SCAPER: variants seen among roughly 807,000 people sequenced by gnomAD.
The protein encoded by SCAPER is S-phase cyclin A associated protein in the ER, also known as S phase cyclin A-associated protein in the endoplasmic reticulum.
A neutral mutation model predicts 182.2 loss-of-function variants in SCAPER; 98 were observed. The observed-to-expected ratio is 0.54, with a 90% confidence interval of 0.46 to 0.64. SCAPER has a LOEUF of 0.64. Ranked by LOEUF, SCAPER falls within the 30% of genes least tolerant of loss-of-function variation. SCAPER has a pLI of 0.00. For synonymous variants in SCAPER, 605 were observed against 564.6 expected (o/e 1.07, Z -1.01); for missense variants, 1,432 against 1,690.0 (o/e 0.85, Z 2.68).
chr15:76,354,196 C>T lies in SCAPER; in HGVS notation c.3856-56G>A. ...CCGAAACGCCCCAGCCTGTCCCTCA[C>T]CCACCTGCACAGTGTCGGCTAGTAC... On this transcript the variant is annotated intron_variant, in intron 29 of 31. Transcript: ENST00000563290. The surrounding 1 kb of genome is among the most constrained non-coding windows in gnomAD (Gnocchi z 4.4). 6.6e-7 allele frequency: 1 copy of T among 1,519,018 alleles called. No homozygotes were observed. The highest frequency in any genetic ancestry group is 8.9e-7 in the Non-Finnish European group (1 of 1,128,550). 94.1% of individuals were successfully genotyped at this position (1,519,018 alleles called of 1,614,324 possible).
intron 17 of SCAPER, among the ~76,000 whole-genome samples, chr15:76,717,065 T>G (rs954022692): frequency 6.7e-6 from 1 of 148,682 alleles, no homozygotes; most frequent in South Asian, 2.1e-4. Context: ...GGGATGTCCA[T>G]CAGAGTATCA....
chr15:76,751,908 A>C (rs1164146527), intron 15 of SCAPER, among the ~76,000 whole-genome samples: 1 of 151,744 alleles, frequency 6.6e-6, no homozygotes, highest in East Asian at 1.9e-4. Flanking sequence ...AACATTTTGC[A>C]TGTCAAAAGA....
At chr15:76,568,829 A>G (rs2047231487) in intron 23 of SCAPER, among the ~76,000 whole-genome samples, 1 of 152,078 alleles carries the variant, frequency 6.6e-6, no homozygotes. Flanking sequence ...AATATACTAT[A>G]GTGAGTTTTC....
chr15:76,797,897 AC>A (rs2065444265), intron 7 of SCAPER, among the ~76,000 whole-genome samples: 1 of 149,012 alleles, frequency 6.7e-6, no homozygotes, highest in Admixed American at 6.8e-5. Context: ...CAAAGATGTC[AC>A]ATTTTATCAT....
intron 3 of SCAPER, among the ~76,000 whole-genome samples, chr15:76,859,035 G>C (rs1323328330): frequency 1.3e-5 from 2 of 152,144 alleles, no homozygotes; most frequent in East Asian, 3.8e-4. Flanking sequence ...TCAACTCTTT[G>C]AGTAATCACC....
intron 10 of SCAPER, among the ~76,000 whole-genome samples, chr15:76,769,886 G>A (rs1031990551): frequency 2.6e-5 from 4 of 152,028 alleles, no homozygotes; most frequent in African/African-American, 4.8e-5. Flanking sequence ...ATCATTCTAC[G>A]ATAAAGACAC....
At chr15:76,729,508 G>A (rs1218040931) in intron 16 of SCAPER, among the ~76,000 whole-genome samples, 2 of 152,046 alleles carry the variant, frequency 1.3e-5, no homozygotes, top group East Asian at 3.9e-4. Context: ...CTTTCATGAT[G>A]GAATTAAGTA....
chr15:76,368,058 A>G (rs1392315401), intron 29 of SCAPER, among the ~76,000 whole-genome samples: 2 of 152,206 alleles, frequency 1.3e-5, no homozygotes, highest in Non-Finnish European at 2.9e-5. Context: ...TCACACAAAG[A>G]AAGGAAATAC....
chr15:76,559,462 T>C (rs183935986), intron 23 of SCAPER, among the ~76,000 whole-genome samples: 1 of 152,230 alleles, frequency 6.6e-6, no homozygotes, highest in African/African-American at 2.4e-5. Context: ...TCTGCCATGA[T>C]TGTAAGTTTC....
At chr15:76,626,445 G>A (rs1186935378) in intron 21 of SCAPER, among the ~76,000 whole-genome samples, 9 of 152,200 alleles carry the variant, frequency 5.9e-5, no homozygotes, top group Admixed American at 3.9e-4. Flanking sequence ...AGCCACGTTC[G>A]GTGGCTCACG....
At chr15:76,639,408 G>A (rs749620459) in intron 21 of SCAPER, among the ~76,000 whole-genome samples, 13 of 152,130 alleles carry the variant, frequency 8.5e-5, no homozygotes, top group Non-Finnish European at 1.6e-4. Context: ...GTGGAAAGGC[G>A]CAGGGATTGC....
At chr15:76,382,356 TTTTTC>T (rs775433078) in intron 27 of SCAPER, among the ~76,000 whole-genome samples, 78 of 138,334 alleles carry the variant, frequency 5.6e-4, no homozygotes, top group Non-Finnish European at 1.0e-3. Context: ...ATTTTTTATT[TTTTTC>T]TTTTATTTTT....
chr15:76,398,407 T>A (rs910459628), intron 27 of SCAPER, among the ~76,000 whole-genome samples: 3 of 152,224 alleles, frequency 2.0e-5, no homozygotes, highest in Non-Finnish European at 4.4e-5. Context: ...ACAGAGTCCT[T>A]AGACAAAATT....
At chr15:76,467,725 A>G (rs975769530) in intron 25 of SCAPER, among the ~76,000 whole-genome samples, 16 of 152,126 alleles carry the variant, frequency 1.1e-4, no homozygotes, top group Admixed American at 4.6e-4. Context: ...CCCTTCCTAT[A>G]GTCATTAATA....
At chr15:76,411,768 C>T (rs1485481070) in intron 26 of SCAPER, among the ~76,000 whole-genome samples, 2 of 152,098 alleles carry the variant, frequency 1.3e-5, no homozygotes, top group East Asian at 3.9e-4. Flanking sequence ...TGTTCTATAT[C>T]CTTACCAACA....
chr15:76,430,396 A>C (rs139968156), intron 26 of SCAPER, among the ~76,000 whole-genome samples: 235 of 152,290 alleles, frequency 1.5e-3, no homozygotes, highest in African/African-American at 5.5e-3. Flanking sequence ...AACTGCAGAC[A>C]CTCAATGCCA....
intron 21 of SCAPER, among the ~76,000 whole-genome samples, chr15:76,654,143 C>T (rs2055406951): frequency 6.6e-6 from 1 of 152,160 alleles, no homozygotes; most frequent in South Asian, 2.1e-4. Flanking sequence ...ATCAAAACCA[C>T]AATGAGCCCA....
intron 8 of SCAPER, 142 bp downstream of exon 8, chr15:76,795,138 A>G (rs947521669): frequency 3.8e-6 from 3 of 793,392 alleles, no homozygotes. Flanking sequence ...TCGGCTTTTA[A>G]GATAATTTTA....
chr15:76,428,791 T>C (rs1398445464), intron 26 of SCAPER, among the ~76,000 whole-genome samples: 2 of 147,960 alleles, frequency 1.4e-5, no homozygotes, highest in Admixed American at 1.4e-4. Flanking sequence ...GAAGAGAGGC[T>C]TCTGAATGTT....
Sources: gnomAD v4.1 joint callset for allele counts (sites outside exome capture counted in the v4.1 genomes callset) on GRCh38, gnomAD v4.1.1 for gene constraint, Gnocchi (gnomAD v3.1) non-coding constraint, MANE v1.5 for transcripts, NCBI Gene and HGNC (gene_info 2026-07-23, HGNC 2026-07-21) for gene names.